RORA: variants seen among roughly 807,000 people sequenced by gnomAD.
RORA encodes RAR related orphan receptor A.
A neutral mutation model predicts 69.5 loss-of-function variants in RORA; 7 were observed. The ratio of observed to expected loss-of-function variants is 0.10; its 90% CI spans 0.06 to 0.19. RORA has a LOEUF of 0.19. Ranked by LOEUF, RORA falls within the 10% of genes least tolerant of loss-of-function variation. The pLI is 1.00. For missense variants in RORA, 457 were observed against 663.0 expected (o/e 0.69, Z 3.41); for synonymous variants, 261 against 240.8 (o/e 1.08, Z -0.78).
intron 1 of RORA, among the ~76,000 whole-genome samples, chr15:60,759,192 C>A (rs2071846701): frequency 6.6e-6 from 1 of 152,294 alleles, no homozygotes; most frequent in South Asian, 2.1e-4. Flanking sequence ...AACAAAAATG[C>A]ACTCTGCTAA....
At chr15:61,056,784 C>T (rs2078102696) in intron 1 of RORA, among the ~76,000 whole-genome samples, 1 of 152,170 alleles carries the variant, frequency 6.6e-6, no homozygotes, top group Non-Finnish European at 1.5e-5. Context: ...AAAAGGCAGA[C>T]ACCCGTCCAG....
At chr15:60,786,113 G>A (rs577822610) in intron 1 of RORA, among the ~76,000 whole-genome samples, 2 of 152,208 alleles carry the variant, frequency 1.3e-5, no homozygotes, top group African/African-American at 2.4e-5. Context: ...CAGGCCTCTG[G>A]GGGCTTCATC....
intron 1 of RORA, among the ~76,000 whole-genome samples, chr15:60,892,135 G>A (rs994739387): frequency 1.3e-5 from 2 of 152,174 alleles, no homozygotes; most frequent in Non-Finnish European, 2.9e-5. Context: ...GGTGTGGGTT[G>A]AAGTTTAGCC....
intron 1 of RORA, among the ~76,000 whole-genome samples, chr15:61,076,058 A>C (rs537167353): frequency 2.6e-5 from 4 of 152,246 alleles, no homozygotes; most frequent in Admixed American, 2.6e-4. Flanking sequence ...CTTCTACCCT[A>C]GGTCATCTCT....
At chr15:60,760,381 C>T (rs990243537) in intron 1 of RORA, among the ~76,000 whole-genome samples, 1 of 152,162 alleles carries the variant, frequency 6.6e-6, no homozygotes, top group Non-Finnish European at 1.5e-5. Flanking sequence ...AATTCATTAG[C>T]TGACACTTTT....
intron 1 of RORA, among the ~76,000 whole-genome samples, chr15:60,928,592 T>A (rs1467567693): frequency 6.6e-6 from 1 of 152,206 alleles, no homozygotes; most frequent in Non-Finnish European, 1.5e-5. Flanking sequence ...AAAGCTGTTT[T>A]TCGTTTTCTT....
At chr15:60,957,566 T>C (rs186454201) in intron 1 of RORA, among the ~76,000 whole-genome samples, 1 of 152,320 alleles carries the variant, frequency 6.6e-6, no homozygotes, top group East Asian at 1.9e-4. Context: ...GCCTGGTAAA[T>C]AATGTTGGAA....
chr15:61,228,947 G>C (rs2080174420), intron 1 of RORA, 106 bp downstream of exon 1: 3 of 335,500 alleles, frequency 8.9e-6, no homozygotes, highest in Non-Finnish European at 1.3e-5. Flanking sequence ...CCGCAGGCTC[G>C]CGCGCGGCCG....
At chr15:60,960,177 T>C (rs539422066) in intron 1 of RORA, among the ~76,000 whole-genome samples, 2 of 152,316 alleles carry the variant, frequency 1.3e-5, no homozygotes, top group East Asian at 1.9e-4. Context: ...TAGATTGATT[T>C]TGTGGTCCCT....
chr15:61,175,235 C>G (rs1295209294), intron 1 of RORA, among the ~76,000 whole-genome samples: 1 of 152,118 alleles, frequency 6.6e-6, no homozygotes, highest in Non-Finnish European at 1.5e-5. Context: ...AGGGCTGTGT[C>G]CATGGTCCTG....
rs982141309 is a variant in RORA at position 60,709,284 on chromosome 15, C to T, written c.167-30598G>A. 2.0e-5 allele frequency among the ~76,000 whole-genome samples: 3 copies of T among 152,164 alleles called. No homozygotes were observed. In the East Asian group the frequency reaches 5.8e-4, roughly 29 times the overall value. On this transcript the variant is annotated intron_variant, in intron 1 of 10. Transcript: ENST00000335670. ...CTATGTGCCTGGTATTATTATACAG[C>T]TCTCATTTAATTCTACAACAACTCT... is the stretch of plus-strand genomic sequence containing the variant.
At chr15:60,632,460 C>T (rs573520048) in intron 2 of RORA, among the ~76,000 whole-genome samples, 48 of 151,968 alleles carry the variant, frequency 3.2e-4, no homozygotes, top group African/African-American at 1.1e-3. Context: ...TAGGTTGGCC[C>T]GAGAAAATGC....
In RORA at chr15:60,835,321, G is replaced by T. The variant is rs544406513; in HGVS notation, c.167-156635C>A. ...TAATAAAAATGGAAAGTATAGCCTG[G>T]GGCCATGGTACAATATCTCTCTGGG... On this transcript the variant is annotated intron_variant, in intron 1 of 10. Transcript: ENST00000335670. Among the ~76,000 whole-genome samples the T allele has an allele frequency of 1.3e-4, 20 of 152,288 alleles. No homozygotes were observed. In the South Asian group the frequency reaches 3.1e-3, roughly 24 times the overall value.
chr15:60,555,377 G>A (rs988821819), intron 2 of RORA, among the ~76,000 whole-genome samples: 7 of 152,068 alleles, frequency 4.6e-5, no homozygotes, highest in Admixed American at 1.3e-4. Context: ...GGGCACTCTC[G>A]ACATATATTG....
At chr15:61,068,934 CT>C (rs773508296) in intron 1 of RORA, among the ~76,000 whole-genome samples, 7 of 152,204 alleles carry the variant, frequency 4.6e-5, no homozygotes, top group Admixed American at 6.5e-5. Flanking sequence ...CCATTTCCCC[CT>C]GACAATATAG....
At chr15:60,682,720 G>A (rs149454333) in intron 1 of RORA, among the ~76,000 whole-genome samples, 3 of 152,174 alleles carry the variant, frequency 2.0e-5, no homozygotes, top group South Asian at 2.1e-4. Context: ...CCCCACTACC[G>A]AAGGGCATCG....
chr15:60,672,668 T>C (rs1195827378), intron 2 of RORA, among the ~76,000 whole-genome samples: 1 of 152,242 alleles, frequency 6.6e-6, no homozygotes, highest in African/African-American at 2.4e-5. Flanking sequence ...TTCTCTAAGC[T>C]ACTTGTCTCT....
intron 1 of RORA, among the ~76,000 whole-genome samples, chr15:61,114,164 G>A (rs1333298494): frequency 6.6e-6 from 1 of 152,154 alleles, no homozygotes; most frequent in Non-Finnish European, 1.5e-5. Flanking sequence ...GGGAACTGGA[G>A]AGACTTTTTT....
Position 60,908,542 on chromosome 15 carries a change from G to GA in RORA, c.167-229857dup, listed in dbSNP as rs1016214738. Among the ~76,000 whole-genome samples, 6 of 152,244 alleles carry GA rather than the reference G, an allele frequency of 3.9e-5. No individual in the cohort carries two copies. In the East Asian group the frequency reaches 1.2e-3, roughly 29 times the overall value. On this transcript the variant is annotated intron_variant, in intron 1 of 10. Transcript: ENST00000335670. ...TAGTGCTACTAAAAATAAGCTTTGG[G>GA]AAGCTACAGTAAATGGAAAAACCAG...
Sources: allele counts gnomAD v4.1 joint callset (sites outside exome capture counted in the v4.1 genomes callset), GRCh38; gene constraint gnomAD v4.1.1; transcripts MANE v1.5; gene names NCBI Gene and HGNC (gene_info 2026-07-23, HGNC 2026-07-21).